Variants in CCDC60 observed in about 807,000 individuals in gnomAD.
The protein encoded by CCDC60 is coiled-coil domain containing 60, also known as coiled-coil domain-containing protein 60.
Under a neutral mutation model 63.5 loss-of-function variants are expected in CCDC60, and 54 were observed. The observed-to-expected ratio is 0.85, with a 90% confidence interval of 0.68 to 1.07. The LOEUF (loss-of-function observed/expected upper bound fraction) is 1.07. Ranked by LOEUF, CCDC60 falls within the 50% of genes least tolerant of loss-of-function variation. The probability of loss-of-function intolerance (pLI) is 0.00; values close to 1 mark genes in which losing one functional copy is unlikely to be tolerated. For synonymous variants in CCDC60, 206 were observed against 238.8 expected, an observed-to-expected ratio of 0.86 and a Z score of 1.27; for missense variants, 651 against 684.3, an observed-to-expected ratio of 0.95 and a Z score of 0.54.
chr12:119,492,268 T>C (rs1240920164), intron 5 of CCDC60, among the ~76,000 whole-genome samples: 2 of 152,180 alleles, frequency 1.3e-5, no homozygotes, highest in African/African-American at 4.8e-5. Flanking sequence ...AGAACAATGA[T>C]TTGTGACAAT....
intron 2 of CCDC60, among the ~76,000 whole-genome samples, chr12:119,439,008 C>G (rs1275652900): frequency 6.6e-6 from 1 of 152,114 alleles, no homozygotes; most frequent in Non-Finnish European, 1.5e-5. Context: ...CTTTAATTAA[C>G]TAGAGGACAT....
intron 2 of CCDC60, among the ~76,000 whole-genome samples, chr12:119,445,304 C>T (rs1950521971): frequency 6.6e-6 from 1 of 151,488 alleles, no homozygotes; most frequent in Admixed American, 6.6e-5. Context: ...TATGGTGGCA[C>T]ATGCCTGTAG....
chr12:119,345,772 A>G (rs1364212521), intron 1 of CCDC60, among the ~76,000 whole-genome samples: 1 of 151,932 alleles, frequency 6.6e-6, no homozygotes, highest in Non-Finnish European at 1.5e-5. Flanking sequence ...CAGCTCTCTC[A>G]CTATCTGGCT....
chr12:119,482,766 G>A (rs1357178346), intron 4 of CCDC60, among the ~76,000 whole-genome samples: 1 of 152,048 alleles, frequency 6.6e-6, no homozygotes, highest in Non-Finnish European at 1.5e-5. Flanking sequence ...GGTCAGGTTG[G>A]CTCGGCTGAT....
At chr12:119,475,457 G>C (rs149792166) in intron 3 of CCDC60, among the ~76,000 whole-genome samples, 2 of 152,298 alleles carry the variant, frequency 1.3e-5, no homozygotes, top group South Asian at 4.1e-4. Flanking sequence ...GCATGAGATC[G>C]CTCCTCTTGT....
At position 119,479,094 on chromosome 12, in the gene CCDC60, C is replaced by CACATATGATGATG; in HGVS notation, c.344_356dup (p.Glu119AspfsTer3). ...GTTTCTCTGTCTGCTTGTCCTTCAG[C>CACATATGATGATG]ACATATGATGATGAGAAGTTGAAGA... On this transcript the variant is annotated frameshift_variant and splice_region_variant, in exon 4 of 14. Transcript: ENST00000327554. LOFTEE classifies it high-confidence loss of function. 2 of 1,607,044 alleles carry CACATATGATGATG rather than the reference C, an allele frequency of 1.2e-6. No homozygotes were observed. The highest frequency in any genetic ancestry group is 1.7e-6 in the Non-Finnish European group (2 of 1,174,064).
At chr12:119,356,759 T>C (rs1955723440) in intron 1 of CCDC60, among the ~76,000 whole-genome samples, 1 of 152,174 alleles carries the variant, frequency 6.6e-6, no homozygotes, top group African/African-American at 2.4e-5. Flanking sequence ...GCCTGAAAAA[T>C]TGGCCTTTCA....
intron 1 of CCDC60, among the ~76,000 whole-genome samples, chr12:119,411,144 T>G (rs1956591971): frequency 6.6e-6 from 1 of 152,194 alleles, no homozygotes; most frequent in African/African-American, 2.4e-5. Flanking sequence ...GAAGAGTGGA[T>G]AGTTGTAGAG....
At chr12:119,351,705 C>A (rs1955658229) in intron 1 of CCDC60, among the ~76,000 whole-genome samples, 1 of 152,236 alleles carries the variant, frequency 6.6e-6, no homozygotes, top group Admixed American at 6.5e-5. Flanking sequence ...GTGACCTTTA[C>A]TCCAGTTCCC....
chr12:119,465,763 A>AC (rs1950942842), intron 2 of CCDC60, among the ~76,000 whole-genome samples: 2 of 151,572 alleles, frequency 1.3e-5, no homozygotes, highest in African/African-American at 4.9e-5. Context: ...ATCTCAAAAA[A>AC]AAAAAAATGT....
chr12:119,536,305 T>C (rs974314221), intron 13 of CCDC60, among the ~76,000 whole-genome samples: 4 of 152,204 alleles, frequency 2.6e-5, no homozygotes, highest in African/African-American at 9.7e-5. Context: ...AGCCTATGTG[T>C]GTCTCTGCAC....
At chr12:119,486,579 A>G (rs557390811) in intron 4 of CCDC60, among the ~76,000 whole-genome samples, 1 of 152,312 alleles carries the variant, frequency 6.6e-6, no homozygotes, top group South Asian at 2.1e-4. Context: ...AATTAGAAGT[A>G]AAGGAATAGT....
intron 11 of CCDC60, among the ~76,000 whole-genome samples, 156 bp from the exon 12 acceptor site, chr12:119,528,459 T>C (rs1270917812): frequency 3.3e-5 from 5 of 152,204 alleles, no homozygotes; most frequent in African/African-American, 1.2e-4. Context: ...TATCCTCTTG[T>C]GGCAAAAGCC....
chr12:119,497,415 C>A (rs77991801), intron 5 of CCDC60, among the ~76,000 whole-genome samples: 7 of 152,198 alleles, frequency 4.6e-5, no homozygotes, highest in African/African-American at 1.4e-4. Flanking sequence ...GCTAACCAGG[C>A]CTTTTCTTTA....
chr12:119,393,648 C>T (rs947220801), intron 1 of CCDC60, among the ~76,000 whole-genome samples: 1 of 152,176 alleles, frequency 6.6e-6, no homozygotes, highest in Non-Finnish European at 1.5e-5. Context: ...GAGCAAGACA[C>T]AGGGAAAGCT....
intron 5 of CCDC60, among the ~76,000 whole-genome samples, chr12:119,495,602 T>A (rs1281605323): frequency 6.6e-6 from 1 of 152,224 alleles, no homozygotes; most frequent in Non-Finnish European, 1.5e-5. Flanking sequence ...TGAAATACTG[T>A]CGCAATCGTT....
At chr12:119,486,009 T>C (rs906311589) in intron 4 of CCDC60, among the ~76,000 whole-genome samples, 3 of 152,180 alleles carry the variant, frequency 2.0e-5, no homozygotes, top group African/African-American at 7.2e-5. Flanking sequence ...AGCCCAGGCC[T>C]GCAGGGGCTC....
intron 13 of CCDC60, among the ~76,000 whole-genome samples, chr12:119,540,215 AC>A (rs1388675106): frequency 2.5e-4 from 38 of 152,198 alleles, no homozygotes; most frequent in African/African-American, 8.4e-4. Flanking sequence ...TGTGTCTTAA[AC>A]CCTTTCCAGG....
chr12:119,381,130 A>C (rs1194179441), intron 1 of CCDC60, among the ~76,000 whole-genome samples: 1 of 152,188 alleles, frequency 6.6e-6, no homozygotes, highest in Non-Finnish European at 1.5e-5. Context: ...CTGTTACGGT[A>C]ATCAGTGAAA....
Sources: allele counts gnomAD v4.1 joint callset (sites outside exome capture counted in the v4.1 genomes callset), GRCh38; gene constraint gnomAD v4.1.1; transcripts MANE v1.5; gene names NCBI Gene and HGNC (gene_info 2026-07-23, HGNC 2026-07-21).